Variants in PSD2 observed in about 807,000 individuals in gnomAD.
PSD2 encodes the protein PH and SEC7 domain-containing protein 2.
Under a neutral mutation model 69.8 loss-of-function variants are expected in PSD2, and 38 were observed. The ratio of observed to expected loss-of-function variants is 0.54; its 90% CI spans 0.42 to 0.71. The LOEUF (loss-of-function observed/expected upper bound fraction) is 0.71, where lower values mean the gene tolerates loss of function less well. Ranked by LOEUF, PSD2 falls within the 30% of genes least tolerant of loss-of-function variation. PSD2 has a pLI of 0.00. For missense variants in PSD2, 943 were observed against 1,014.5 expected (o/e 0.93, Z 0.96); for synonymous variants, 412 against 423.0 (o/e 0.97, Z 0.32).
the PSD2 span, among the ~76,000 whole-genome samples, chr5:139,761,706 A>G: frequency 6.6e-6 from 1 of 152,188 alleles, no homozygotes; most frequent in Admixed American, 6.5e-5. Flanking sequence ...TGCGACAGGC[A>G]GTGTTAAATA....
chr5:139,820,600 A>C (rs1203630064), intron 5 of PSD2, among the ~76,000 whole-genome samples: 1 of 152,198 alleles, frequency 6.6e-6, no homozygotes, highest in African/African-American at 2.4e-5. Context: ...TTCTGGGCCA[A>C]AACGAAATGA....
At chr5:139,787,548 G>A in the PSD2 span, among the ~76,000 whole-genome samples, 1 of 152,236 alleles carries the variant, frequency 6.6e-6, no homozygotes, top group Non-Finnish European at 1.5e-5. Context: ...GCAGTCAGCT[G>A]CCACAACCAG....
chr5:139,767,806 C>T, the PSD2 span, among the ~76,000 whole-genome samples: 1 of 152,252 alleles, frequency 6.6e-6, no homozygotes, highest in Non-Finnish European at 1.5e-5. Flanking sequence ...AGTGATTCAG[C>T]ACATGCAATC....
chr5:139,763,730 C>G, the PSD2 span, among the ~76,000 whole-genome samples: 1 of 152,214 alleles, frequency 6.6e-6, no homozygotes, highest in Admixed American at 6.5e-5. Flanking sequence ...CTAACCACAT[C>G]TTCTGCCTTT....
the PSD2 span, among the ~76,000 whole-genome samples, chr5:139,771,387 CT>C: frequency 6.6e-6 from 1 of 151,030 alleles, no homozygotes; most frequent in Non-Finnish European, 1.5e-5. Context: ...CTTTTCTTTT[CT>C]TTTTTTTTGA....
intron 2 of PSD2, 105 bp downstream of exon 2, chr5:139,809,916 A>G (rs1321246618): frequency 1.6e-6 from 2 of 1,256,078 alleles, no homozygotes; most frequent in Admixed American, 2.3e-5. Flanking sequence ...TTTCTCACAC[A>G]TAAAATGGGG....
At chr5:139,745,749 C>G in the PSD2 span, among the ~76,000 whole-genome samples, 1 of 152,242 alleles carries the variant, frequency 6.6e-6, no homozygotes, top group Non-Finnish European at 1.5e-5. Context: ...GCCTGGGGGT[C>G]TCCTGTGTTC....
chr5:139,818,582 A>G (rs1204783497), intron 5 of PSD2, among the ~76,000 whole-genome samples: 1 of 152,154 alleles, frequency 6.6e-6, no homozygotes, highest in Admixed American at 6.5e-5. Flanking sequence ...CACATACAAA[A>G]AAAGTAATTT....
the PSD2 span, among the ~76,000 whole-genome samples, chr5:139,784,796 C>G: frequency 6.6e-6 from 1 of 152,034 alleles, no homozygotes; most frequent in East Asian, 1.9e-4. Context: ...TGCTCTGTTG[C>G]CCAGGCTGCA....
At chr5:139,748,128 G>T in the PSD2 span, among the ~76,000 whole-genome samples, 1 of 152,044 alleles carries the variant, frequency 6.6e-6, no homozygotes, top group Non-Finnish European at 1.5e-5. Context: ...TGACCCCCGG[G>T]GCCCCAGCAC....
the PSD2 span, among the ~76,000 whole-genome samples, chr5:139,746,933 G>A: frequency 6.6e-6 from 1 of 152,122 alleles, no homozygotes; most frequent in Admixed American, 6.5e-5. The surrounding 1 kb of genome is among the most constrained non-coding windows in gnomAD (Gnocchi z 4.5). Flanking sequence ...ACCTCGGCTC[G>A]TCCCCACCCT....
chr5:139,804,597 G>A (rs921022824), intron 1 of PSD2, among the ~76,000 whole-genome samples: 1 of 152,140 alleles, frequency 6.6e-6, no homozygotes, highest in Non-Finnish European at 1.5e-5. Flanking sequence ...TAGCCCACTG[G>A]AAGCAAAACG....
the PSD2 span, among the ~76,000 whole-genome samples, chr5:139,752,448 ACACT>A: frequency 6.6e-6 from 1 of 152,144 alleles, no homozygotes; most frequent in Non-Finnish European, 1.5e-5. Flanking sequence ...AATCACGCAC[ACACT>A]CACACTCAAG....
chr5:139,806,713 C>A (rs1008726584), intron 1 of PSD2, among the ~76,000 whole-genome samples: 4 of 152,178 alleles, frequency 2.6e-5, no homozygotes, highest in Non-Finnish European at 5.9e-5. Context: ...GGACACATAG[C>A]AGTTCAGAGT....
At chr5:139,809,879 A>G (rs2126935016) in intron 2 of PSD2, 68 bp downstream of exon 2, 1 of 1,527,534 alleles carries the variant, frequency 6.5e-7, no homozygotes, top group East Asian at 2.3e-5. Flanking sequence ...GCCTGGGCTT[A>G]GCCACTTAGT....
At chr5:139,778,260 T>A in the PSD2 span, among the ~76,000 whole-genome samples, 980 of 152,106 alleles carry the variant, frequency 6.4e-3, 12 homozygotes, top group African/African-American at 0.023. Context: ...GTCATGAAAA[T>A]AGGAAGACAG....
chr5:139,785,204 C>T, the PSD2 span, among the ~76,000 whole-genome samples: 1 of 151,340 alleles, frequency 6.6e-6, no homozygotes, highest in African/African-American at 2.4e-5. Flanking sequence ...CCTCTCCTTT[C>T]CTCTTCTCCC....
intron 4 of PSD2, among the ~76,000 whole-genome samples, chr5:139,815,995 TAA>T (rs768724760): frequency 2.2e-5 from 2 of 92,752 alleles, no homozygotes; most frequent in Non-Finnish European, 2.1e-5. Flanking sequence ...CTCCATATAT[TAA>T]AAAAAAAAAA....
At chr5:139,788,417 C>A in the PSD2 span, among the ~76,000 whole-genome samples, 1 of 151,920 alleles carries the variant, frequency 6.6e-6, no homozygotes, top group Non-Finnish European at 1.5e-5. Flanking sequence ...GCGCCCCGCT[C>A]CCTGGGCCTC....
Sources: allele counts gnomAD v4.1 joint callset (sites outside exome capture counted in the v4.1 genomes callset), GRCh38; gene constraint gnomAD v4.1.1; non-coding constraint Gnocchi (gnomAD v3.1); transcripts MANE v1.5; gene names NCBI Gene and HGNC (gene_info 2026-07-23, HGNC 2026-07-21).